Variants in PLXNA2 observed in about 807,000 individuals in gnomAD.
The protein encoded by PLXNA2 is plexin A2, also known as plexin-A2.
Under a neutral mutation model 193.5 loss-of-function variants are expected in PLXNA2, and 91 were observed. The ratio of observed to expected loss-of-function variants is 0.47; its 90% CI spans 0.40 to 0.56. The LOEUF is 0.56. Among genes scored for constraint, PLXNA2 ranks in the 20% least tolerant of loss-of-function variants. The pLI, the probability that PLXNA2 is intolerant of heterozygous loss-of-function variation, is 0.00. For synonymous variants in PLXNA2, 997 were observed against 1,027.3 expected, an observed-to-expected ratio of 0.97 and a Z score of 0.56; for missense variants, 1,995 against 2,503.2, an observed-to-expected ratio of 0.80 and a Z score of 4.33.
intron 22 of PLXNA2, among the ~76,000 whole-genome samples, chr1:208,040,643 A>G (rs1664834174): frequency 6.6e-6 from 1 of 152,230 alleles, no homozygotes; most frequent in African/African-American, 2.4e-5. Context: ...AGACAGTCAT[A>G]ATAACATCCA....
chr1:208,232,243 C>T (rs1671714125), intron 1 of PLXNA2, among the ~76,000 whole-genome samples: 1 of 152,208 alleles, frequency 6.6e-6, no homozygotes, highest in Non-Finnish European at 1.5e-5. Context: ...CAGTCTCCCT[C>T]TCCCCAGCCG....
intron 4 of PLXNA2, among the ~76,000 whole-genome samples, chr1:208,119,987 A>G (rs1224935265): frequency 6.6e-6 from 1 of 152,096 alleles, no homozygotes; most frequent in African/African-American, 2.4e-5. Flanking sequence ...AGGTGAGTGG[A>G]TGGATTTGTG....
At chr1:208,116,310 A>G (rs12757579) in intron 4 of PLXNA2, among the ~76,000 whole-genome samples, 2,157 of 152,354 alleles carry the variant, frequency 0.014, 20 homozygotes, top group Middle Eastern at 0.037. Context: ...TAGATTACTT[A>G]TAGGGCTCTT....
At chr1:208,203,786 G>C (rs571528360) in intron 3 of PLXNA2, among the ~76,000 whole-genome samples, 3 of 152,218 alleles carry the variant, frequency 2.0e-5, no homozygotes, top group Admixed American at 1.3e-4. Flanking sequence ...TAAAGATGCA[G>C]GGGCGATCAG....
chr1:208,031,922 G>A (rs936832651), intron 28 of PLXNA2, 163 bp from the exon 29 acceptor site: 10 of 917,362 alleles, frequency 1.1e-5, no homozygotes, highest in African/African-American at 1.8e-5. Flanking sequence ...TTGGTTAGCT[G>A]GGGAGGTGGG....
chr1:208,079,541 C>T lies in PLXNA2; in HGVS notation c.2396-91G>A. Reference sequence around the variant, plus strand: ...GCAGGTGTGATAGAAATGATAGAAACTCTTCCCCACCATGGATAACACCAC... The same window carrying T: ...GCAGGTGTGATAGAAATGATAGAAATTCTTCCCCACCATGGATAACACCAC... On this transcript the variant is annotated intron_variant, in intron 11 of 31. Coordinates refer to ENST00000367033, the MANE Select transcript of PLXNA2 (RefSeq NM_025179.4). 3 of 929,786 alleles carry T rather than the reference C, an allele frequency of 3.2e-6. No individual in the cohort carries two copies. The South Asian group carries it at 5.1e-5, about 16-fold the overall frequency. The allele number at this position is 929,786 out of a possible 1,614,324, so 57.6% of individuals were successfully genotyped here.
chr1:208,182,195 G>A (rs1376743895), intron 3 of PLXNA2, among the ~76,000 whole-genome samples: 1 of 152,212 alleles, frequency 6.6e-6, no homozygotes, highest in African/African-American at 2.4e-5. Flanking sequence ...AGCACTTTGG[G>A]AGGCTGAGGC....
intron 4 of PLXNA2, among the ~76,000 whole-genome samples, chr1:208,109,483 G>A (rs1483682889): frequency 3.3e-5 from 5 of 152,196 alleles, no homozygotes; most frequent in Non-Finnish European, 4.4e-5. Flanking sequence ...GATCAATAAC[G>A]CAGTCACAGC....
rs545088743 is a variant in PLXNA2 at position 208,189,422 on chromosome 1, G to A, written c.1371+20858C>T. 1.1e-3 allele frequency among the ~76,000 whole-genome samples: 171 copies of A among 152,100 alleles called. 6 individuals carry two copies. The South Asian group carries it at 0.034, about 30-fold the overall frequency. On this transcript the variant is annotated intron_variant, in intron 3 of 31. Transcript: ENST00000367033. ...AGGGCCCCACAGGAGGCCCAGAATA[G>A]GGAGGGAAGCATGGTCCAGCAGGCC...
intron 3 of PLXNA2, among the ~76,000 whole-genome samples, chr1:208,165,051 A>G (rs1484720776): frequency 1.3e-5 from 2 of 152,166 alleles, no homozygotes; most frequent in Non-Finnish European, 2.9e-5. Context: ...ATTTGCCGCA[A>G]TGATTGGCAA....
intron 17 of PLXNA2, 54 bp downstream of exon 17, chr1:208,050,955 C>T (rs1371992153): frequency 2.2e-6 from 3 of 1,336,550 alleles, no homozygotes; most frequent in African/African-American, 1.4e-5. Flanking sequence ...CATTGCAAAA[C>T]ATCAACACAG....
At chr1:208,050,259 C>T (rs1203100606) in intron 17 of PLXNA2, among the ~76,000 whole-genome samples, 1 of 152,254 alleles carries the variant, frequency 6.6e-6, no homozygotes. Context: ...GTCTGCTTGT[C>T]ACCATTCATA....
At chr1:208,043,338 G>T in intron 20 of PLXNA2, 135 bp from the exon 21 acceptor site, 1 of 763,218 alleles carries the variant, frequency 1.3e-6, no homozygotes, top group Non-Finnish European at 2.1e-6. Context: ...TGTGTCTCCA[G>T]AGGGCGGGGC....
At chr1:208,053,239 G>A (rs1434655878) in intron 14 of PLXNA2, among the ~76,000 whole-genome samples, 3 of 152,190 alleles carry the variant, frequency 2.0e-5, no homozygotes, top group African/African-American at 4.8e-5. Flanking sequence ...CCATTCATCC[G>A]CTGTGTGTCC....
At position 208,038,415 on chromosome 1, in the gene PLXNA2, T is replaced by C; in HGVS notation, c.4720A>G (p.Ile1574Val). 1.2e-6 allele frequency: 2 copies of C among 1,613,968 alleles called. No homozygotes were observed. Among genetic ancestry groups the C allele is most frequent in the Non-Finnish European group, 8.5e-7 (1 of 1,179,882 alleles). The change falls in exon 26 of 32, where the codon ATT (isoleucine) becomes GTT (valine). Residue 1574 changes from isoleucine (I) to valine (V), a missense_variant. By Grantham distance (29) the Ile-to-Val change is conservative. This residue lies in a region of PLXNA2 where 1,291 missense variants were observed against 1,673.6 expected (regional missense o/e 0.77). Transcript: ENST00000367033. The surrounding 1 kb of genome is among the most constrained non-coding windows in gnomAD (Gnocchi z 4.1). The stretch of plus-strand genomic sequence containing the variant: ...TTGAGCCGCTTCCAGTCACCCTCAA[T>C]CTTGGTGGTGATGTCCTCATCTTGC... ...VLQDEDITTK[I>V]EGDWKRLNTL...
chr1:208,181,092 G>A (rs1669827299), intron 3 of PLXNA2, among the ~76,000 whole-genome samples: 1 of 152,216 alleles, frequency 6.6e-6, no homozygotes, highest in African/African-American at 2.4e-5. Flanking sequence ...TGGACTGGGA[G>A]ACAAATGCAT....
chr1:208,187,500 C>T (rs11119003), intron 3 of PLXNA2, among the ~76,000 whole-genome samples: 3,767 of 152,258 alleles, frequency 0.025, 158 homozygotes, highest in African/African-American at 0.085. Flanking sequence ...CTGAACAACT[C>T]GAGCTCTGAA....
At chr1:208,107,549 C>T (rs1157344303) in intron 4 of PLXNA2, among the ~76,000 whole-genome samples, 2 of 152,104 alleles carry the variant, frequency 1.3e-5, no homozygotes, top group East Asian at 1.9e-4. Flanking sequence ...CAGGTGACAG[C>T]CCAGCACTTG....
rs1345321724 is a variant in PLXNA2, at chr1:208,029,000, C to T, written c.5268G>A (p.Gln1756=). ...RFWVNVIKNP[Q]FVFDIHKGSI... is the part of the protein sequence containing the mutation. The stretch of plus-strand genomic sequence containing the variant: ...TGCCCTTGTGGATGTCAAACACGAA[C>T]TGGGGGTTCTTAATCACGTTCACCC... Residue 1756 remains glutamine (Q), a synonymous_variant, in exon 30 of 32, where the codon CAG becomes CAA. Transcript: ENST00000367033. This position sits in a 1 kb window ranked among gnomAD's most constrained non-coding sequence, Gnocchi z 4.2. The T allele has an allele frequency of 6.2e-7, 1 of 1,614,032 alleles. No homozygotes were observed. The highest frequency in any genetic ancestry group is 8.5e-7 in the Non-Finnish European group (1 of 1,180,014).
Sources: allele counts gnomAD v4.1 joint callset (sites outside exome capture counted in the v4.1 genomes callset), GRCh38; gene constraint gnomAD v4.1.1; regional missense constraint gnomAD v4.1.1; non-coding constraint Gnocchi (gnomAD v3.1); transcripts MANE v1.5; gene names NCBI Gene and HGNC (gene_info 2026-07-23, HGNC 2026-07-21).